CDH9: variants seen among roughly 807,000 people sequenced by gnomAD.
CDH9 encodes cadherin-9.
Under a neutral mutation model 70.9 loss-of-function variants are expected in CDH9, and 28 were observed. The observed-to-expected ratio is 0.40, with a 90% CI of 0.29 to 0.54. The LOEUF (loss-of-function observed/expected upper bound fraction) is 0.54, where lower values mean the gene tolerates loss of function less well. Ranked by LOEUF, CDH9 falls within the 20% of genes least tolerant of loss-of-function variation. CDH9 has a pLI of 0.59. For missense variants in CDH9, 874 were observed against 984.4 expected (o/e 0.89, Z 1.50); for synonymous variants, 409 against 343.1 (o/e 1.19, Z -2.12).
intron 1 of CDH9, among the ~76,000 whole-genome samples, chr5:27,007,635 A>G (rs1279958988): frequency 1.3e-5 from 2 of 152,142 alleles, no homozygotes; most frequent in Non-Finnish European, 2.9e-5. Flanking sequence ...TAGGAAACAA[A>G]TTCTATTAAA....
intron 2 of CDH9, among the ~76,000 whole-genome samples, chr5:26,977,404 C>T (rs1366461): frequency 1.2e-4 from 18 of 150,528 alleles, no homozygotes; most frequent in Non-Finnish European, 2.4e-4. Flanking sequence ...TATAATTGAC[C>T]GTTTTGTTTT....
At chr5:26,959,506 T>A (rs1227412000) in intron 2 of CDH9, among the ~76,000 whole-genome samples, 15 of 152,104 alleles carry the variant, frequency 9.9e-5, no homozygotes, top group Admixed American at 9.8e-4. Context: ...CTTCTTCTTA[T>A]TTACCCCAAA....
At chr5:27,027,832 G>A (rs529242536) in intron 1 of CDH9, among the ~76,000 whole-genome samples, 1 of 152,082 alleles carries the variant, frequency 6.6e-6, no homozygotes, top group East Asian at 1.9e-4. Flanking sequence ...TCAGCCTAGT[G>A]CACTTTTGTT....
intron 2 of CDH9, among the ~76,000 whole-genome samples, chr5:26,949,859 A>G (rs1242163452): frequency 1.3e-5 from 2 of 152,222 alleles, no homozygotes; most frequent in Non-Finnish European, 2.9e-5. Context: ...AAATTAATTT[A>G]TAAGAACTTT....
chr5:26,928,695 G>A (rs957139954), intron 2 of CDH9, among the ~76,000 whole-genome samples: 14 of 151,780 alleles, frequency 9.2e-5, no homozygotes, highest in Admixed American at 2.0e-4. Flanking sequence ...CCATACATCC[G>A]CAGAGAACTC....
At chr5:27,023,324 T>C (rs1452130505) in intron 1 of CDH9, among the ~76,000 whole-genome samples, 1 of 152,082 alleles carries the variant, frequency 6.6e-6, no homozygotes, top group African/African-American at 2.4e-5. Context: ...TGATTCATCA[T>C]ATTTTTGTTT....
chr5:26,920,785 T>A (rs768586716), intron 2 of CDH9, among the ~76,000 whole-genome samples: 3 of 152,188 alleles, frequency 2.0e-5, no homozygotes, highest in Non-Finnish European at 4.4e-5. Flanking sequence ...ACAGCATTAA[T>A]TACTGAGCCT....
intron 1 of CDH9, among the ~76,000 whole-genome samples, chr5:27,030,840 A>C (rs1743298970): frequency 6.6e-6 from 1 of 151,856 alleles, no homozygotes; most frequent in Non-Finnish European, 1.5e-5. Context: ...TAGTATATTA[A>C]ATATAGTGAG....
chr5:26,953,580 C>T (rs561723971), intron 2 of CDH9, among the ~76,000 whole-genome samples: 85 of 152,232 alleles, frequency 5.6e-4, no homozygotes, highest in African/African-American at 2.0e-3. Context: ...TAAATGCCTG[C>T]CTTGCATTCC....
chr5:26,918,979 T>C (rs1741195726), intron 2 of CDH9, among the ~76,000 whole-genome samples: 1 of 152,126 alleles, frequency 6.6e-6, no homozygotes, highest in African/African-American at 2.4e-5. Flanking sequence ...GTTTAACATC[T>C]TTTAAAAAAT....
At chr5:26,984,316 G>A (rs1339785891) in intron 2 of CDH9, among the ~76,000 whole-genome samples, 1 of 152,094 alleles carries the variant, frequency 6.6e-6, no homozygotes, top group African/African-American at 2.4e-5. Flanking sequence ...AAATTAAAAT[G>A]TAATGGTCAA....
chr5:26,884,927 T>G (rs1264628237), intron 11 of CDH9, among the ~76,000 whole-genome samples: 1 of 152,168 alleles, frequency 6.6e-6, no homozygotes, highest in Non-Finnish European at 1.5e-5. Context: ...TAGAAAATAT[T>G]GCAGGGCTAG....
At chr5:26,938,410 A>G (rs1741598531) in intron 2 of CDH9, among the ~76,000 whole-genome samples, 1 of 152,000 alleles carries the variant, frequency 6.6e-6, no homozygotes, top group Non-Finnish European at 1.5e-5. Context: ...AATCTTGCTC[A>G]ACACATTATG....
Position 26,954,965 on chromosome 5 carries a change from G to A in CDH9, c.228+33141C>T, listed in dbSNP as rs533595674. On this transcript the variant is annotated intron_variant, in intron 2 of 11. Coordinates refer to ENST00000231021, the MANE Select transcript of CDH9 (RefSeq NM_016279.4). ...TGGGAGGACTGCTTCAGCCTGGGAT[G>A]TTGAGGCTGTATTGGCCTGTGGTTG... is the stretch of plus-strand genomic sequence containing the variant. Among the ~76,000 whole-genome samples the A allele has an allele frequency of 8.5e-5, 13 of 152,224 alleles. No homozygotes were observed. In the East Asian group the frequency reaches 1.9e-3, roughly 23 times the overall value.
intron 1 of CDH9, among the ~76,000 whole-genome samples, chr5:27,011,734 T>C (rs977546096): frequency 1.3e-5 from 2 of 152,048 alleles, no homozygotes; most frequent in Non-Finnish European, 2.9e-5. Context: ...ATTGAGTCCA[T>C]ATTACAAAGA....
At chr5:26,886,542 T>C (rs755835491) in intron 9 of CDH9, among the ~76,000 whole-genome samples, 5 of 151,986 alleles carry the variant, frequency 3.3e-5, no homozygotes, top group Non-Finnish European at 5.9e-5. Context: ...ATATTAACAA[T>C]ATTATTAATA....
intron 2 of CDH9, among the ~76,000 whole-genome samples, chr5:26,963,884 T>C (rs1742081942): frequency 6.6e-6 from 1 of 152,142 alleles, no homozygotes; most frequent in Non-Finnish European, 1.5e-5. Context: ...AACACTGATA[T>C]GGAGTTTGAA....
At chr5:27,008,881 T>C (rs1431715260) in intron 1 of CDH9, among the ~76,000 whole-genome samples, 1 of 152,126 alleles carries the variant, frequency 6.6e-6, no homozygotes, top group Non-Finnish European at 1.5e-5. Context: ...CAAGGAAAAA[T>C]AACTTTGCAA....
chr5:26,968,111 A>G (rs1191115847), intron 2 of CDH9, among the ~76,000 whole-genome samples: 1 of 152,152 alleles, frequency 6.6e-6, no homozygotes, highest in Non-Finnish European at 1.5e-5. Context: ...ATTTGCAGAG[A>G]TAACACAAAA....
Sources: allele counts gnomAD v4.1 joint callset (sites outside exome capture counted in the v4.1 genomes callset), GRCh38; gene constraint gnomAD v4.1.1; transcripts MANE v1.5; gene names NCBI Gene and HGNC (gene_info 2026-07-23, HGNC 2026-07-21).